PUDP: variants seen among roughly 807,000 people sequenced by gnomAD.
PUDP encodes the protein pseudouridine 5'-phosphatase.
In PUDP, 8 loss-of-function variants were observed where a neutral mutation model predicts 9.4. The ratio of observed to expected loss-of-function variants is 0.85; its 90% CI spans 0.50 to 1.53. The LOEUF (loss-of-function observed/expected upper bound fraction) is 1.53. Among genes scored for constraint, PUDP ranks in the 40% most tolerant of loss-of-function variants. PUDP has a pLI of 0.00. For synonymous variants in PUDP, 99 were observed against 80.7 expected (o/e 1.23, Z -1.22); for missense variants, 188 against 189.7 (o/e 0.99, Z 0.05).
Position 6,740,778 on chromosome X carries a change from A to T in PUDP, c.*248-34312T>A, listed in dbSNP as rs1400663272. 3.6e-5 allele frequency among the ~76,000 whole-genome samples: 4 copies of T among 112,125 alleles called. No individual in the cohort carries two copies. In the South Asian group the frequency reaches 1.1e-3, roughly 31 times the overall value. ...AATGATACACCCTCTCGTGCTCCTC[A>T]TCCCACACTTTCACGACATCTTATC... On this transcript the variant is annotated intron_variant and NMD_transcript_variant, in intron 3 of 3. Coordinates refer to the PUDP transcript ENST00000655425.
intron 3 of PUDP, among the ~76,000 whole-genome samples, chrX:6,780,747 C>A: frequency 9.2e-6 from 1 of 109,227 alleles, no homozygotes; most frequent in Non-Finnish European, 1.9e-5. Context: ...ACACACACAC[C>A]CCACCACCGC....
intron 2 of PUDP, among the ~76,000 whole-genome samples, chrX:7,079,253 CAAAT>C (rs1931009389): frequency 8.9e-6 from 1 of 112,322 alleles, no homozygotes; most frequent in Non-Finnish European, 1.9e-5. Flanking sequence ...TTCATAATGA[CAAAT>C]AGATCAGTTC....
intron 3 of PUDP, among the ~76,000 whole-genome samples, chrX:6,905,826 T>C (rs1927758263): frequency 8.9e-6 from 1 of 111,857 alleles, no homozygotes; most frequent in African/African-American, 3.3e-5. Flanking sequence ...ATAAGAGGTA[T>C]CTTAAATGCA....
intron 3 of PUDP, among the ~76,000 whole-genome samples, chrX:6,735,355 C>A (rs1487283316): frequency 9.0e-6 from 1 of 111,283 alleles, no homozygotes; most frequent in Non-Finnish European, 1.9e-5. Context: ...AGTGACCAAC[C>A]ACCTCGGACA....
At chrX:6,944,121 G>A (rs1157093856) in intron 3 of PUDP, among the ~76,000 whole-genome samples, 1 of 110,961 alleles carries the variant, frequency 9.0e-6, no homozygotes, top group Non-Finnish European at 1.9e-5. Flanking sequence ...CTGGTGGGAG[G>A]TGATTGGATC....
chrX:7,065,817 C>A (rs951350673), intron 3 of PUDP, among the ~76,000 whole-genome samples: 2 of 111,995 alleles, frequency 1.8e-5, no homozygotes, highest in East Asian at 5.6e-4. Context: ...GCCATACATA[C>A]AAACAGCACT....
chrX:6,911,831 T>G (rs1927854209), intron 3 of PUDP, among the ~76,000 whole-genome samples: 1 of 112,195 alleles, frequency 8.9e-6, no homozygotes. Flanking sequence ...TGATATTTTG[T>G]AAGCCACCAA....
At chrX:7,085,821 C>T (rs2146877237) in intron 2 of PUDP, among the ~76,000 whole-genome samples, 1 of 111,620 alleles carries the variant, frequency 9.0e-6, no homozygotes, top group South Asian at 3.8e-4. Context: ...TCTTTTTCTC[C>T]ACAAGGCCCC....
At chrX:6,798,794 AT>A (rs35551768) in intron 3 of PUDP, among the ~76,000 whole-genome samples, 51,366 of 109,918 alleles carry the variant, frequency 0.47, 10,159 homozygotes, top group Non-Finnish European at 0.61. Context: ...TCCAAATGAT[AT>A]TTTTTTTAAA....
intron 1 of PUDP, among the ~76,000 whole-genome samples, chrX:6,715,222 C>A (rs55917766): frequency 3.6e-5 from 4 of 110,491 alleles, no homozygotes; most frequent in African/African-American, 6.6e-5. Flanking sequence ...AGATCATGAT[C>A]ATTTTTCCAT....
chrX:6,932,914 G>C lies in PUDP; in HGVS notation c.*247+44219C>G, dbSNP rs1457853784. ...AACTGCAAGGCGGCAACGAGGCTGG[G>C]GGAGGGGCGCCCGCCATTGCCCAGG... is the stretch of plus-strand genomic sequence containing the variant. On this transcript the variant is annotated intron_variant and NMD_transcript_variant, in intron 3 of 3. Transcript: ENST00000655425. Among the ~76,000 whole-genome samples, 7 of 110,631 alleles carry C rather than the reference G, an allele frequency of 6.3e-5. No homozygotes were observed. The East Asian group carries it at 2.0e-3, about 32-fold the overall frequency.
chrX:6,856,273 C>T (rs1926904702), intron 3 of PUDP, among the ~76,000 whole-genome samples: 1 of 111,624 alleles, frequency 9.0e-6, no homozygotes, highest in Admixed American at 9.5e-5. Flanking sequence ...AAGACAAAAA[C>T]TCCTTATCAG....
intron 1 of PUDP, among the ~76,000 whole-genome samples, chrX:7,001,517 T>C (rs765155298): frequency 9.0e-6 from 1 of 111,382 alleles, no homozygotes; most frequent in African/African-American, 3.2e-5. Flanking sequence ...CTTATTCTAT[T>C]CAGAATTAAT....
intron 1 of PUDP, among the ~76,000 whole-genome samples, chrX:7,021,068 TAG>T (rs1929625541): frequency 8.9e-6 from 1 of 112,511 alleles, no homozygotes; most frequent in Admixed American, 9.4e-5. Context: ...TCAGCATATA[TAG>T]AGAGGTCATG....
intron 3 of PUDP, among the ~76,000 whole-genome samples, chrX:6,757,808 C>T (rs772625318): frequency 2.4e-4 from 27 of 112,247 alleles, no homozygotes; most frequent in African/African-American, 8.7e-4. Context: ...AGCAATATGT[C>T]GTGAAATGTT....
chrX:7,040,588 AAAG>A (rs912409818), intron 1 of PUDP, among the ~76,000 whole-genome samples: 7 of 112,285 alleles, frequency 6.2e-5, no homozygotes, highest in African/African-American at 2.3e-4. Flanking sequence ...CTGAGTTTTC[AAAG>A]AAGACAGCAG....
At chrX:7,098,202 A>C (rs989868528) in intron 2 of PUDP, among the ~76,000 whole-genome samples, 6 of 112,485 alleles carry the variant, frequency 5.3e-5, no homozygotes, top group Non-Finnish European at 9.4e-5. Context: ...CTATAACAAA[A>C]TATCTGGGAC....
In PUDP at chrX:7,049,167, C is replaced by T. The variant is rs1930027346; in HGVS notation, c.*1129G>A. On this transcript the variant is annotated 3_prime_UTR_variant, in exon 4 of 4. Coordinates refer to ENST00000381077, the MANE Select transcript of PUDP (RefSeq NM_012080.5). Reference sequence around the variant, plus strand: ...CACAACTTCCAGAGCTGAAGAGTAGCTCAAGGACATCAAAGGGCAGAGGCC... The same window carrying T: ...CACAACTTCCAGAGCTGAAGAGTAGTTCAAGGACATCAAAGGGCAGAGGCC... 1 of 112,113 alleles carries T rather than the reference C, an allele frequency of 8.9e-6. No individual in the cohort carries two copies. The highest frequency in any genetic ancestry group is 9.4e-5 in the Admixed American group (1 of 10,585). The allele number at this position is 112,113 out of a possible 1,213,427, so 9.2% of individuals were successfully genotyped here.
intron 3 of PUDP, among the ~76,000 whole-genome samples, chrX:6,734,347 C>T (rs188452453): frequency 2.7e-5 from 3 of 111,931 alleles, no homozygotes; most frequent in Non-Finnish European, 3.8e-5. Flanking sequence ...AAATTTCAAA[C>T]GTCTTATCAC....
Sources: allele counts gnomAD v4.1 joint callset (sites outside exome capture counted in the v4.1 genomes callset), GRCh38; gene constraint gnomAD v4.1.1; transcripts MANE v1.5; gene names NCBI Gene and HGNC (gene_info 2026-07-23, HGNC 2026-07-21).